Variants in CRISPLD1 observed in about 807,000 individuals in gnomAD.
CRISPLD1 encodes cysteine-rich secretory protein LCCL domain-containing 1.
Under a neutral mutation model 77.5 loss-of-function variants are expected in CRISPLD1, and 60 were observed. The observed-to-expected ratio is 0.77, with a 90% CI of 0.63 to 0.96. The LOEUF (loss-of-function observed/expected upper bound fraction) is 0.96, where lower values mean the gene tolerates loss of function less well. Ranked by LOEUF, CRISPLD1 falls within the 40% of genes least tolerant of loss-of-function variation. The pLI is 0.00. For synonymous variants in CRISPLD1, 195 were observed against 200.1 expected, an observed-to-expected ratio of 0.97 and a Z score of 0.22; for missense variants, 623 against 615.8, an observed-to-expected ratio of 1.01 and a Z score of -0.12.
intron 1 of CRISPLD1, among the ~76,000 whole-genome samples, 169 bp downstream of exon 1, chr8:74,985,089 G>T (rs1453021968): frequency 1.3e-5 from 2 of 151,938 alleles, no homozygotes; most frequent in Non-Finnish European, 2.9e-5. Context: ...AGAAATTAGC[G>T]GGAGCTCTAG....
rs1285864158 is a variant in CRISPLD1, at chr8:75,014,007, C to T, written c.531C>T (p.Asn177=). 3 of 1,612,672 alleles carry T rather than the reference C, an allele frequency of 1.9e-6. No individual in the cohort carries two copies. Among genetic ancestry groups the T allele is most frequent in the African/African-American group, 2.7e-5 (2 of 74,796 alleles). The change falls in exon 5 of 15, where the codon AAC becomes AAT. Residue 177 remains asparagine (N), a synonymous_variant. Coordinates refer to ENST00000262207, the MANE Select transcript of CRISPLD1 (RefSeq NM_031461.6). ...CATAGGTCGTGTGGGCAACTAGTAA[C>T]AGAATCGGTTGTGCCATTAATTTGT... ...HYTQVVWATS[N]RIGCAINLCH... is the part of the protein sequence containing the mutation.
intron 2 of CRISPLD1, among the ~76,000 whole-genome samples, chr8:75,010,740 A>C (rs1812914638): frequency 6.6e-6 from 1 of 151,772 alleles, no homozygotes; most frequent in African/African-American, 2.4e-5. Flanking sequence ...TTCTTTTGTT[A>C]TCTTGTTAGA....
intron 12 of CRISPLD1, among the ~76,000 whole-genome samples, chr8:75,023,943 C>T (rs1587028069): frequency 6.6e-6 from 1 of 152,160 alleles, no homozygotes; most frequent in East Asian, 1.9e-4. Context: ...AAATAAAAAG[C>T]TTTTGGTCAT....
intron 13 of CRISPLD1, among the ~76,000 whole-genome samples, chr8:75,026,131 C>G (rs145835775): frequency 7.2e-5 from 11 of 152,302 alleles, no homozygotes; most frequent in African/African-American, 2.6e-4. Flanking sequence ...ATGGCCCAGG[C>G]TGGAGTTCAG....
chr8:75,002,503 AT>A (rs1490188496), intron 2 of CRISPLD1, among the ~76,000 whole-genome samples: 24 of 151,636 alleles, frequency 1.6e-4, no homozygotes, highest in Non-Finnish European at 2.9e-4. Context: ...AAAAAAAATA[AT>A]AATAATGATG....
chr8:75,002,003 G>A (rs561587244), intron 2 of CRISPLD1, among the ~76,000 whole-genome samples: 1 of 152,204 alleles, frequency 6.6e-6, no homozygotes, highest in African/African-American at 2.4e-5. Context: ...AGTGAAACCT[G>A]AACTTCAGGG....
At position 75,014,885 on chromosome 8, in the gene CRISPLD1, G is replaced by T; in HGVS notation, c.700G>T (p.Gly234Cys). The change falls in exon 6 of 15, where the codon GGC (glycine) becomes TGC (cysteine). Residue 234 changes from glycine (G) to cysteine (C), a missense_variant. Transcript: ENST00000262207. ...TGCTTGCCCACCTAGTTTTGGAGGG[G>T]GCTGTAGAGAAAATCTGTGCTACAA... ...CSACPPSFGG[G>C]CRENLCYKEG... 6.4e-7 allele frequency: 1 copy of T among 1,573,884 alleles called. No homozygotes were observed. Among genetic ancestry groups the T allele is most frequent in the Non-Finnish European group, 8.6e-7 (1 of 1,166,704 alleles).
chr8:74,987,035 T>C (rs567578152), intron 2 of CRISPLD1, among the ~76,000 whole-genome samples: 1 of 152,268 alleles, frequency 6.6e-6, no homozygotes, highest in South Asian at 2.1e-4. Context: ...TAATAAATAG[T>C]TATTGGTGAT....
At chr8:75,004,449 A>T (rs1812795476) in intron 2 of CRISPLD1, among the ~76,000 whole-genome samples, 1 of 152,184 alleles carries the variant, frequency 6.6e-6, no homozygotes, top group South Asian at 2.1e-4. Flanking sequence ...GGAGAAAATT[A>T]CATAGCTTTA....
intron 1 of CRISPLD1, among the ~76,000 whole-genome samples, chr8:74,985,174 A>G (rs933670118): frequency 2.0e-5 from 3 of 152,156 alleles, no homozygotes; most frequent in Non-Finnish European, 4.4e-5. Flanking sequence ...GAGAAAGAAC[A>G]GTGTGTGCCT....
In CRISPLD1 at chr8:75,017,116, A is replaced by G; in HGVS notation, c.996+3A>G. On this transcript the variant is annotated splice_donor_region_variant and intron_variant, in intron 9 of 14. Coordinates refer to ENST00000262207, the MANE Select transcript of CRISPLD1 (RefSeq NM_031461.6). ...TTGGCAGTGTACATTATGAAATGGT[A>G]AGTGTTATAAATGTAATTATTTGAG... 1 of 1,606,472 alleles carries G rather than the reference A, an allele frequency of 6.2e-7. No homozygotes were observed. Among genetic ancestry groups the G allele is most frequent in the Non-Finnish European group, 8.5e-7 (1 of 1,173,860 alleles).
chr8:75,015,513 A>G (rs1447134982), intron 6 of CRISPLD1, among the ~76,000 whole-genome samples: 1 of 152,234 alleles, frequency 6.6e-6, no homozygotes, highest in African/African-American at 2.4e-5. Context: ...ATAAACTGTT[A>G]TGACAAAGCT....
In CRISPLD1 at chr8:74,984,510, C is replaced by A. The variant is rs575106264; in HGVS notation, c.-473C>A. 3 of 152,282 alleles carry A rather than the reference C, an allele frequency of 2.0e-5. No homozygotes were observed. The South Asian group carries it at 6.2e-4, about 32-fold the overall frequency. The allele number at this position is 152,282 out of a possible 1,614,324, so 9.4% of individuals were successfully genotyped here. A position where few individuals can be genotyped will look rare whatever the true frequency, so the allele number is the denominator to read the frequency against. ...CGCGAACGCGAGAGAGCGACGGAAG[C>A]GCTAGGCGCCTGGTTCTGCGCGTAC... On this transcript the variant is annotated 5_prime_UTR_variant, in exon 1 of 15. Coordinates refer to ENST00000262207, the MANE Select transcript of CRISPLD1 (RefSeq NM_031461.6).
chr8:74,990,996 A>G (rs1354650156), intron 2 of CRISPLD1, among the ~76,000 whole-genome samples: 1 of 138,796 alleles, frequency 7.2e-6, no homozygotes, highest in Admixed American at 7.3e-5. Flanking sequence ...TACCAATCCT[A>G]TTTTTTTTTT....
intron 2 of CRISPLD1, among the ~76,000 whole-genome samples, chr8:75,002,970 A>T (rs192072511): frequency 6.6e-6 from 1 of 152,212 alleles, no homozygotes; most frequent in Non-Finnish European, 1.5e-5. Context: ...AAATAATGCT[A>T]TAGTCATATT....
Position 74,986,254 on chromosome 8 carries a change from A to G in CRISPLD1, c.258+9A>G, listed in dbSNP as rs553885247. On this transcript the variant is annotated intron_variant, in intron 2 of 14. Coordinates refer to ENST00000262207, the MANE Select transcript of CRISPLD1 (RefSeq NM_031461.6). Reference sequence around the variant, plus strand: ...CTAATATGGAGTATATGGTAAGGACATTTTTCAAGTGGTATGTACAAAAGA... The same window carrying G: ...CTAATATGGAGTATATGGTAAGGACGTTTTTCAAGTGGTATGTACAAAAGA... The G allele has an allele frequency of 1.4e-5, 23 of 1,612,196 alleles. No homozygotes were observed. The highest frequency in any genetic ancestry group is 3.3e-5 in the South Asian group (3 of 91,014).
Position 75,017,503 on chromosome 8 carries a change from G to A in CRISPLD1, c.1127+53G>A, listed in dbSNP as rs567149765. On this transcript the variant is annotated intron_variant, in intron 10 of 14. Coordinates refer to ENST00000262207, the MANE Select transcript of CRISPLD1 (RefSeq NM_031461.6). ...AGATAATTTTAAATTGTAACAGTGA[G>A]CTAACACATTTTTTTTTAGAGCAAA... The A allele has an allele frequency of 9.5e-6, 14 of 1,466,578 alleles. No individual in the cohort carries two copies. The East Asian group carries it at 2.9e-4, about 31-fold the overall frequency. 90.8% of individuals were successfully genotyped at this position (1,466,578 alleles called of 1,614,324 possible).
At chr8:75,006,122 G>A (rs1282275130) in intron 2 of CRISPLD1, among the ~76,000 whole-genome samples, 8 of 152,004 alleles carry the variant, frequency 5.3e-5, no homozygotes, top group Non-Finnish European at 7.4e-5. Context: ...TCCTCTGTAT[G>A]TCCATGCATG....
intron 2 of CRISPLD1, among the ~76,000 whole-genome samples, chr8:74,998,799 T>C (rs1452763869): frequency 6.6e-6 from 1 of 151,954 alleles, no homozygotes; most frequent in Non-Finnish European, 1.5e-5. Context: ...AGTGGTTTCT[T>C]CTCTGATTTG....
Sources: allele counts gnomAD v4.1 joint callset (sites outside exome capture counted in the v4.1 genomes callset), GRCh38; gene constraint gnomAD v4.1.1; transcripts MANE v1.5; gene names NCBI Gene and HGNC (gene_info 2026-07-23, HGNC 2026-07-21).